Variants in LRBA observed in about 807,000 individuals in gnomAD.
LRBA encodes lipopolysaccharide-responsive and beige-like anchor protein.
Under a neutral mutation model 330.0 loss-of-function variants are expected in LRBA, and 176 were observed. That is an observed-to-expected ratio of 0.53 (90% CI 0.47 to 0.60). The LOEUF (loss-of-function observed/expected upper bound fraction) is 0.60. Among genes scored for constraint, LRBA ranks in the 20% least tolerant of loss-of-function variants. LRBA has a pLI of 0.00. For missense variants in LRBA, 3,259 were observed against 3,444.8 expected, an observed-to-expected ratio of 0.95 and a Z score of 1.35; for synonymous variants, 1,230 against 1,193.0, an observed-to-expected ratio of 1.03 and a Z score of -0.64.
chr4:150,480,139 A>G (rs1459379273), intron 42 of LRBA, among the ~76,000 whole-genome samples: 1 of 152,180 alleles, frequency 6.6e-6, no homozygotes, highest in Non-Finnish European at 1.5e-5. Flanking sequence ...TGTATTGATG[A>G]TGAATCAATA....
chr4:150,349,031 C>T (rs1470915849), intron 48 of LRBA, among the ~76,000 whole-genome samples: 1 of 152,140 alleles, frequency 6.6e-6, no homozygotes, highest in African/African-American at 2.4e-5. Flanking sequence ...TGAAACATAG[C>T]AATTTAAAAC....
At chr4:150,761,969 T>C in intron 34 of LRBA, 122 bp from the exon 35 acceptor site, 1 of 631,224 alleles carries the variant, frequency 1.6e-6, no homozygotes, top group Non-Finnish European at 2.8e-6. Flanking sequence ...AAAGTTATGT[T>C]AAACCATATG....
At chr4:150,518,658 G>C (rs1323997973) in intron 40 of LRBA, among the ~76,000 whole-genome samples, 1 of 151,984 alleles carries the variant, frequency 6.6e-6, no homozygotes, top group East Asian at 1.9e-4. Context: ...CAAACCCTTT[G>C]AATTTTAAAT....
chr4:150,594,185 T>G (rs1773217007), intron 38 of LRBA, among the ~76,000 whole-genome samples: 1 of 152,074 alleles, frequency 6.6e-6, no homozygotes, highest in Non-Finnish European at 1.5e-5. Context: ...AGAATGGTTT[T>G]CCTGTAATTA....
intron 39 of LRBA, among the ~76,000 whole-genome samples, chr4:150,589,565 A>G (rs182538715): frequency 6.6e-6 from 1 of 152,318 alleles, no homozygotes; most frequent in East Asian, 1.9e-4. Flanking sequence ...CATTTTTTCA[A>G]TCACTCTCAG....
chr4:150,837,014 C>T (rs1748211064), intron 28 of LRBA, among the ~76,000 whole-genome samples: 2 of 152,160 alleles, frequency 1.3e-5, no homozygotes, highest in African/African-American at 4.8e-5. Context: ...TCATTGGTTT[C>T]AAAGAACATC....
chr4:150,901,493 C>A (rs1483592347), intron 13 of LRBA, among the ~76,000 whole-genome samples: 1 of 152,048 alleles, frequency 6.6e-6, no homozygotes, highest in Non-Finnish European at 1.5e-5. Flanking sequence ...GACCATAGAC[C>A]AAACTACTGA....
In LRBA at chr4:150,844,156, T is replaced by C. The variant is rs140925698; in HGVS notation, c.4513A>G (p.Arg1505Gly). Residue 1505 changes from arginine to glycine, a missense_variant, in exon 28 of 57, where the codon AGG (arginine) becomes GGG (glycine). Physicochemically the swap from Arg to Gly is moderately radical, Grantham distance 125 (BLOSUM62 -2). Coordinates refer to ENST00000651943, the MANE Select transcript of LRBA (RefSeq NM_001364905.1). ...GGISPVRDLD[R>G]LLQDMDINRL... ...TTAATATCCATGTCCTGTAGAAGCC[T>C]GTCAAGATCTCTTACTGGAGATATA... is the stretch of plus-strand genomic sequence containing the variant. 76 of 1,611,864 alleles carry C rather than the reference T, an allele frequency of 4.7e-5. No individual in the cohort carries two copies. The highest frequency in any genetic ancestry group is 1.0e-4 in the Admixed American group (6 of 59,986).
chr4:150,828,272 G>A lies in LRBA; in HGVS notation c.5079C>T (p.Val1693=). 1 of 1,614,136 alleles carries A rather than the reference G, an allele frequency of 6.2e-7. No homozygotes were observed. Residue 1693 remains valine (V), a synonymous_variant, in exon 30 of 57, where the codon GTC becomes GTT. Coordinates refer to ENST00000651943, the MANE Select transcript of LRBA (RefSeq NM_001364905.1). The part of the protein sequence containing the change: ...RSLVNIPADG[V]TVDPALLPPA... ...GTGGCAGAAGGGCAGGATCCACTGT[G>A]ACTCCATCTGCTGGTATGTTAACCA... is the stretch of plus-strand genomic sequence containing the variant.
At chr4:150,708,561 G>T (rs1785865050) in intron 36 of LRBA, among the ~76,000 whole-genome samples, 1 of 151,732 alleles carries the variant, frequency 6.6e-6, no homozygotes. Flanking sequence ...TAAATTACCT[G>T]AAGTTTCAAT....
chr4:150,464,135 T>C (rs543818314), intron 44 of LRBA, among the ~76,000 whole-genome samples: 1 of 151,988 alleles, frequency 6.6e-6, no homozygotes, highest in African/African-American at 2.4e-5. Context: ...AAGAGATTTC[T>C]AAAAACTCAT....
intron 37 of LRBA, among the ~76,000 whole-genome samples, chr4:150,603,229 AAGTTATGGATGGC>A (rs1774298753): frequency 6.6e-6 from 1 of 152,208 alleles, no homozygotes; most frequent in Non-Finnish European, 1.5e-5. Context: ...TGTCTTTAAA[AAGTTATGGATGGC>A]ACTGAAGTTA....
intron 40 of LRBA, among the ~76,000 whole-genome samples, chr4:150,532,552 A>T (rs901416196): frequency 1.3e-5 from 2 of 151,244 alleles, no homozygotes; most frequent in Admixed American, 6.6e-5. Context: ...ATTTATCTTT[A>T]AAAAAAAATA....
intron 37 of LRBA, among the ~76,000 whole-genome samples, chr4:150,648,158 C>CAAAAAAA: frequency 0.032 from 584 of 18,036 alleles, 100 homozygotes; most frequent in Non-Finnish European, 0.067. Flanking sequence ...ACACAAGTAG[C>CAAAAAAA]AAAAAAAAAA....
intron 2 of LRBA, among the ~76,000 whole-genome samples, chr4:150,961,147 G>A (rs1465639424): frequency 6.7e-5 from 10 of 149,124 alleles, no homozygotes; most frequent in Admixed American, 5.9e-4. Context: ...ATGAGATTCA[G>A]CTGTGGGTGG....
intron 42 of LRBA, among the ~76,000 whole-genome samples, chr4:150,487,146 T>G (rs1459267685): frequency 6.6e-6 from 1 of 151,688 alleles, no homozygotes; most frequent in East Asian, 1.9e-4. Flanking sequence ...CAGTTAGATA[T>G]ATACCCAGTA....
At chr4:150,895,652 A>C (rs1198566182) in intron 16 of LRBA, among the ~76,000 whole-genome samples, 2 of 152,172 alleles carry the variant, frequency 1.3e-5, no homozygotes, top group Non-Finnish European at 2.9e-5. Context: ...CATGGTGTAT[A>C]TGTGCCACAT....
intron 34 of LRBA, among the ~76,000 whole-genome samples, chr4:150,767,275 C>T (rs972120247): frequency 1.8e-4 from 27 of 152,052 alleles, no homozygotes; most frequent in South Asian, 4.2e-4. Context: ...ATTTTAGTGA[C>T]GAATACACTA....
At chr4:150,960,844 T>C (rs1738060678) in intron 2 of LRBA, among the ~76,000 whole-genome samples, 2 of 149,614 alleles carry the variant, frequency 1.3e-5, no homozygotes, top group East Asian at 1.9e-4. Context: ...ATCATAAAAT[T>C]AGTAGTTTCA....
Sources: allele counts gnomAD v4.1 joint callset (sites outside exome capture counted in the v4.1 genomes callset), GRCh38; gene constraint gnomAD v4.1.1; transcripts MANE v1.5; gene names NCBI Gene and HGNC (gene_info 2026-07-23, HGNC 2026-07-21).